The following IFT57 variants were observed in gnomAD, a reference collection of about 807,000 sequenced individuals.
IFT57 encodes the protein intraflagellar transport protein 57 homolog.
Under a neutral mutation model 56.8 loss-of-function variants are expected in IFT57, and 59 were observed. The observed-to-expected ratio is 1.04, with a 90% CI of 0.84 to 1.29. The LOEUF (loss-of-function observed/expected upper bound fraction) is 1.29. Ranked by LOEUF, IFT57 falls within the 50% of genes most tolerant of loss-of-function variation. The pLI, the probability that IFT57 is intolerant of heterozygous loss-of-function variation, is 0.00. For missense variants in IFT57, 470 were observed against 522.1 expected (o/e 0.90, Z 0.97); for synonymous variants, 209 against 186.1 (o/e 1.12, Z -1.00).
At chr3:108,200,071 T>C (rs1428236553) in intron 5 of IFT57, among the ~76,000 whole-genome samples, 2 of 152,146 alleles carry the variant, frequency 1.3e-5, no homozygotes, top group Non-Finnish European at 2.9e-5. Context: ...CTAAGGGTCT[T>C]GAAAGCCAGA....
chr3:108,200,437 AG>A (rs2080271457), intron 5 of IFT57, among the ~76,000 whole-genome samples: 1 of 152,128 alleles, frequency 6.6e-6, no homozygotes, highest in Non-Finnish European at 1.5e-5. Context: ...TAACATTGCC[AG>A]GGGTAGGTGG....
chr3:108,214,172 A>G (rs1030212552), intron 3 of IFT57, 151 bp from the exon 4 acceptor site: 18 of 528,790 alleles, frequency 3.4e-5, no homozygotes, highest in Non-Finnish European at 5.6e-5. Flanking sequence ...TATTTTTCCT[A>G]AAACTTTCTA....
chr3:108,163,544 C>G (rs2080045277), intron 10 of IFT57, 119 bp downstream of exon 10: 2 of 679,882 alleles, frequency 2.9e-6, no homozygotes, highest in Admixed American at 5.5e-5. Context: ...CAATGAATCT[C>G]TCTTCAAACA....
chr3:108,191,118 G>C (rs948583094), intron 6 of IFT57, among the ~76,000 whole-genome samples: 1 of 152,152 alleles, frequency 6.6e-6, no homozygotes, highest in East Asian at 1.9e-4. Flanking sequence ...CACATGTATT[G>C]AATAGATTAT....
At chr3:108,219,640 G>C (rs901096371) in intron 1 of IFT57, 68 bp from the exon 2 acceptor site, 2 of 1,465,518 alleles carry the variant, frequency 1.4e-6, no homozygotes, top group Non-Finnish European at 1.9e-6. Context: ...ATAACTAATA[G>C]GGCCGAATTC....
chr3:108,172,416 A>AT (rs1368345124), intron 6 of IFT57, among the ~76,000 whole-genome samples: 18 of 151,874 alleles, frequency 1.2e-4, no homozygotes, highest in Admixed American at 3.3e-4. Context: ...AAGAGTATAG[A>AT]TTTTATTATG....
chr3:108,183,364 G>A lies in IFT57; in HGVS notation c.777+8157C>T, dbSNP rs376519712. Among the ~76,000 whole-genome samples, 42 of 152,128 alleles carry A rather than the reference G, an allele frequency of 2.8e-4. No homozygotes were observed. The East Asian group carries it at 3.3e-3, about 12-fold the overall frequency. ...ACCCACAATCTGCAGCAGCCAGACC[G>A]GGAAGCAAAACCACAGCCTCTGTAG... On this transcript the variant is annotated intron_variant, in intron 6 of 10. Coordinates refer to ENST00000264538, the MANE Select transcript of IFT57 (RefSeq NM_018010.4).
chr3:108,167,116 T>G (rs2080067638), intron 7 of IFT57, 131 bp from the exon 8 acceptor site: 1 of 724,934 alleles, frequency 1.4e-6, no homozygotes, highest in East Asian at 2.8e-5. Context: ...CAGCTTGAAA[T>G]TTTCAATAGC....
chr3:108,222,403 C>T lies in IFT57; in HGVS notation c.-81G>A, dbSNP rs1348893169. 4.7e-6 allele frequency: 6 copies of T among 1,270,690 alleles called. No individual in the cohort carries two copies. The highest frequency in any genetic ancestry group is 2.7e-5 in the East Asian group (1 of 37,428). The allele number at this position is 1,270,690 out of a possible 1,614,324, so 78.7% of individuals were successfully genotyped here. On this transcript the variant is annotated 5_prime_UTR_variant, in exon 1 of 11. Transcript: ENST00000264538. ...GCCGCCAGCCCTGCCGCCGCCAGTA[C>T]AGCCACGACCGGTTACCAGGCGACC... is the stretch of plus-strand genomic sequence containing the variant.
At chr3:108,194,700 A>G (rs1228956964) in intron 5 of IFT57, among the ~76,000 whole-genome samples, 1 of 152,180 alleles carries the variant, frequency 6.6e-6, no homozygotes, top group African/African-American at 2.4e-5. Context: ...TTTATAGCCA[A>G]CTCATTTCTG....
chr3:108,195,495 G>A (rs917020793), intron 5 of IFT57, among the ~76,000 whole-genome samples: 2 of 152,094 alleles, frequency 1.3e-5, no homozygotes, highest in African/African-American at 4.8e-5. Context: ...AAGGAAATCA[G>A]TATGTTAAAG....
intron 2 of IFT57, among the ~76,000 whole-genome samples, chr3:108,219,125 T>TA (rs398106288): frequency 6.6e-6 from 1 of 151,832 alleles, no homozygotes; most frequent in African/African-American, 2.4e-5. Flanking sequence ...GATTTTTTTT[T>TA]AATTATCATT....
intron 5 of IFT57, among the ~76,000 whole-genome samples, chr3:108,205,230 T>C (rs2080302823): frequency 6.6e-6 from 1 of 152,116 alleles, no homozygotes; most frequent in Non-Finnish European, 1.5e-5. Context: ...GTGACAGATA[T>C]TATTATAGTG....
intron 3 of IFT57, among the ~76,000 whole-genome samples, chr3:108,214,786 C>A (rs537554497): frequency 1.3e-5 from 2 of 152,144 alleles, no homozygotes; most frequent in African/African-American, 4.8e-5. Flanking sequence ...TACTTTTTGG[C>A]TTTTTGTATA....
At chr3:108,209,145 TATGA>T (rs556839465) in intron 4 of IFT57, among the ~76,000 whole-genome samples, 242 of 152,370 alleles carry the variant, frequency 1.6e-3, no homozygotes, top group African/African-American at 5.3e-3. Flanking sequence ...TTGTGATTGT[TATGA>T]ATATTTCCTA....
chr3:108,190,376 GGA>G (rs1369412659), intron 6 of IFT57, among the ~76,000 whole-genome samples: 4 of 152,184 alleles, frequency 2.6e-5, no homozygotes, highest in African/African-American at 9.7e-5. Context: ...TGTTAAGGGA[GGA>G]ACCTGGTGGG....
chr3:108,183,381 C>A (rs62262382), intron 6 of IFT57, among the ~76,000 whole-genome samples: 14,631 of 152,130 alleles, frequency 0.096, 764 homozygotes, highest in Middle Eastern at 0.12. Context: ...AAAACCACAG[C>A]CTCTGTAGCA....
chr3:108,180,076 G>T (rs1174563144), intron 6 of IFT57, among the ~76,000 whole-genome samples: 1 of 151,976 alleles, frequency 6.6e-6, no homozygotes, highest in African/African-American at 2.4e-5. Flanking sequence ...GGAAGGCTAT[G>T]ATAATCACTG....
chr3:108,200,380 A>G (rs1446659432), intron 5 of IFT57, among the ~76,000 whole-genome samples: 14 of 152,170 alleles, frequency 9.2e-5, no homozygotes, highest in Admixed American at 9.2e-4. Context: ...CTTAATGACT[A>G]CCGAGATGGC....
Sources: gnomAD v4.1 joint callset for allele counts (sites outside exome capture counted in the v4.1 genomes callset) on GRCh38, gnomAD v4.1.1 for gene constraint, MANE v1.5 for transcripts, NCBI Gene and HGNC (gene_info 2026-07-23, HGNC 2026-07-21) for gene names.